The following FHOD3 variants were observed in gnomAD, a reference collection of about 807,000 sequenced individuals.
FHOD3 encodes FH1/FH2 domain-containing protein 3.
Under a neutral mutation model 173.0 loss-of-function variants are expected in FHOD3, and 90 were observed. The ratio of observed to expected loss-of-function variants is 0.52; its 90% CI spans 0.44 to 0.62. FHOD3 has a LOEUF of 0.62. FHOD3 is among the 20% of genes least tolerant of loss of function. The probability of loss-of-function intolerance (pLI) is 0.00; values close to 1 mark genes in which losing one functional copy is unlikely to be tolerated. For synonymous variants in FHOD3, 828 were observed against 823.0 expected, an observed-to-expected ratio of 1.01 and a Z score of -0.10; for missense variants, 1,945 against 2,034.7, an observed-to-expected ratio of 0.96 and a Z score of 0.85.
rs1004314868 is a variant in FHOD3 at position 36,688,459 on chromosome 18, T to C, written c.2021+1281T>C. ...CTCTTAAATAAAATGATGGCATTACTTTGATTCCAACATTCTATTTGATTA... is the reference window on the plus strand; with the variant it reads ...CTCTTAAATAAAATGATGGCATTACCTTGATTCCAACATTCTATTTGATTA... On this transcript the variant is annotated intron_variant, in intron 16 of 28. Transcript: ENST00000590592. Among the ~76,000 whole-genome samples the C allele has an allele frequency of 1.4e-4, 22 of 152,332 alleles. No individual in the cohort carries two copies. The East Asian group carries it at 4.2e-3, about 29-fold the overall frequency.
At chr18:36,500,105 C>T (rs1462772793) in intron 3 of FHOD3, among the ~76,000 whole-genome samples, 2 of 152,174 alleles carry the variant, frequency 1.3e-5, no homozygotes, top group African/African-American at 4.8e-5. Context: ...GGCTGTGTGA[C>T]CAAGGGCTTG....
At chr18:36,349,928 G>A (rs28399090) in intron 1 of FHOD3, among the ~76,000 whole-genome samples, 8,322 of 152,124 alleles carry the variant, frequency 0.055, 454 homozygotes, top group African/African-American at 0.13. Flanking sequence ...CACCACACCC[G>A]GCTAATTTTT....
chr18:36,336,878 A>C (rs189839224), intron 1 of FHOD3, among the ~76,000 whole-genome samples: 1,590 of 144,814 alleles, frequency 0.011, 33 homozygotes, highest in Non-Finnish European at 0.016. Flanking sequence ...AAAAAAAGGA[A>C]ATTAATTTCT....
At chr18:36,653,669 A>C (rs1568555736) in intron 13 of FHOD3, among the ~76,000 whole-genome samples, 1 of 152,192 alleles carries the variant, frequency 6.6e-6, no homozygotes, top group East Asian at 1.9e-4. Flanking sequence ...CACCTGTATT[A>C]ATGCCTTTCC....
At chr18:36,386,842 T>C (rs1395368896) in intron 3 of FHOD3, among the ~76,000 whole-genome samples, 1 of 151,840 alleles carries the variant, frequency 6.6e-6, no homozygotes, top group African/African-American at 2.4e-5. Context: ...GGGTCTAGCT[T>C]GGGGGGATTG....
intron 10 of FHOD3, among the ~76,000 whole-genome samples, chr18:36,633,801 A>C (rs1446176581): frequency 1.3e-5 from 2 of 152,224 alleles, no homozygotes; most frequent in African/African-American, 4.8e-5. Flanking sequence ...GGAACTTGGT[A>C]ATCTTAGTGA....
intron 24 of FHOD3, among the ~76,000 whole-genome samples, chr18:36,747,590 A>C (rs1316687554): frequency 6.6e-6 from 1 of 152,208 alleles, no homozygotes; most frequent in African/African-American, 2.4e-5. Flanking sequence ...GCCACAGCCT[A>C]CCTGAGGGAG....
chr18:36,682,925 A>C (rs2149413529), intron 15 of FHOD3, among the ~76,000 whole-genome samples: 1 of 152,332 alleles, frequency 6.6e-6, no homozygotes, highest in Admixed American at 6.5e-5. Context: ...TGTAATTGTA[A>C]AAATGATCAA....
chr18:36,557,666 C>T (rs2057941496), intron 5 of FHOD3, among the ~76,000 whole-genome samples: 1 of 152,168 alleles, frequency 6.6e-6, no homozygotes, highest in African/African-American at 2.4e-5. Context: ...TATTGAATTT[C>T]ACACACTGTG....
At chr18:36,756,619 C>T (rs1194447562) in intron 25 of FHOD3, among the ~76,000 whole-genome samples, 1 of 152,166 alleles carries the variant, frequency 6.6e-6, no homozygotes, top group African/African-American at 2.4e-5. Context: ...TCTAGAAGTC[C>T]ACATTCCTGA....
intron 4 of FHOD3, among the ~76,000 whole-genome samples, chr18:36,506,873 C>T (rs1347016691): frequency 6.6e-6 from 1 of 152,206 alleles, no homozygotes; most frequent in Non-Finnish European, 1.5e-5. Flanking sequence ...AAAAGCCCAT[C>T]CAGAAGAATG....
intron 5 of FHOD3, among the ~76,000 whole-genome samples, chr18:36,551,505 A>G (rs1383007563): frequency 1.3e-5 from 2 of 152,146 alleles, no homozygotes; most frequent in African/African-American, 4.8e-5. Flanking sequence ...TGATTTAATT[A>G]GATCCCATTT....
At chr18:36,607,153 C>T (rs2032172627) in intron 8 of FHOD3, among the ~76,000 whole-genome samples, 1 of 152,238 alleles carries the variant, frequency 6.6e-6, no homozygotes, top group South Asian at 2.1e-4. Context: ...GTGGCTTCAC[C>T]CTGTGACAAA....
chr18:36,604,155 G>A (rs1002286267), intron 8 of FHOD3, among the ~76,000 whole-genome samples: 5 of 152,112 alleles, frequency 3.3e-5, no homozygotes, highest in East Asian at 1.9e-4. Context: ...CATTTGGATC[G>A]ACATGCCTTA....
intron 16 of FHOD3, among the ~76,000 whole-genome samples, chr18:36,688,694 G>A (rs2038780852): frequency 6.6e-6 from 1 of 152,132 alleles, no homozygotes; most frequent in Non-Finnish European, 1.5e-5. Flanking sequence ...GTACTTATTT[G>A]AGCTTTCAAC....
chr18:36,386,333 G>T (rs185750696), intron 3 of FHOD3, among the ~76,000 whole-genome samples: 1 of 152,168 alleles, frequency 6.6e-6, no homozygotes, highest in East Asian at 1.9e-4. Context: ...GGTTGGCAAG[G>T]GTGATGTGGG....
At chr18:36,372,630 T>C in intron 2 of FHOD3, 50 bp from the exon 3 acceptor site, 1 of 1,495,380 alleles carries the variant, frequency 6.7e-7, no homozygotes, top group Non-Finnish European at 9.3e-7. Context: ...GCATGTGAGG[T>C]GTCTCTGCTG....
intron 14 of FHOD3, among the ~76,000 whole-genome samples, chr18:36,676,915 T>C (rs949197228): frequency 6.6e-6 from 1 of 152,232 alleles, no homozygotes; most frequent in Non-Finnish European, 1.5e-5. Context: ...CTTTGTAGTT[T>C]ATATATGTTA....
intron 3 of FHOD3, among the ~76,000 whole-genome samples, chr18:36,501,333 C>T (rs1029686522): frequency 6.6e-6 from 1 of 152,132 alleles, no homozygotes; most frequent in African/African-American, 2.4e-5. Context: ...CCAGCTAGTC[C>T]GTAGAGCTGC....
Sources: allele counts gnomAD v4.1 joint callset (sites outside exome capture counted in the v4.1 genomes callset), GRCh38; gene constraint gnomAD v4.1.1; transcripts MANE v1.5; gene names NCBI Gene and HGNC (gene_info 2026-07-23, HGNC 2026-07-21).